Variants in KCNIP4 observed in about 807,000 individuals in gnomAD.
KCNIP4 encodes potassium voltage-gated channel interacting protein 4, also known as Kv channel-interacting protein 4.
Under a neutral mutation model 34.0 loss-of-function variants are expected in KCNIP4, and 12 were observed. The ratio of observed to expected loss-of-function variants is 0.35; its 90% CI spans 0.23 to 0.57. KCNIP4 has a LOEUF of 0.57. Ranked by LOEUF, KCNIP4 falls within the 20% of genes least tolerant of loss-of-function variation. The pLI, the probability that KCNIP4 is intolerant of heterozygous loss-of-function variation, is 0.83. For missense variants in KCNIP4, 238 were observed against 311.7 expected (o/e 0.76, Z 1.78); for synonymous variants, 124 against 102.2 (o/e 1.21, Z -1.29).
At chr4:21,724,718 C>A (rs1715069965) in intron 1 of KCNIP4, among the ~76,000 whole-genome samples, 1 of 152,006 alleles carries the variant, frequency 6.6e-6, no homozygotes, top group African/African-American at 2.4e-5. Flanking sequence ...ATGCACTTTA[C>A]ACATAACTTT....
intron 1 of KCNIP4, among the ~76,000 whole-genome samples, chr4:21,401,698 T>C (rs1723575321): frequency 6.6e-6 from 1 of 152,158 alleles, no homozygotes; most frequent in African/African-American, 2.4e-5. Flanking sequence ...TAAAATCAGG[T>C]TATCAGTGAA....
At chr4:21,727,429 T>C (rs1715276097) in intron 1 of KCNIP4, among the ~76,000 whole-genome samples, 1 of 152,174 alleles carries the variant, frequency 6.6e-6, no homozygotes, top group South Asian at 2.1e-4. Flanking sequence ...GGTCTTGGAC[T>C]TGCCAGCCTC....
At chr4:21,604,749 T>A (rs1441646587) in intron 1 of KCNIP4, among the ~76,000 whole-genome samples, 1 of 152,230 alleles carries the variant, frequency 6.6e-6, no homozygotes, top group African/African-American at 2.4e-5. Context: ...TGAGATTTGA[T>A]ATCCTTTTTT....
At chr4:21,782,534 AT>A (rs528090739) in intron 1 of KCNIP4, among the ~76,000 whole-genome samples, 2 of 151,878 alleles carry the variant, frequency 1.3e-5, no homozygotes, top group African/African-American at 2.4e-5. Context: ...TTTCTACAAA[AT>A]TTTTTTTAAA....
intron 1 of KCNIP4, among the ~76,000 whole-genome samples, chr4:21,239,091 CTTTG>C (rs1759596906): frequency 6.6e-6 from 1 of 151,294 alleles, no homozygotes; most frequent in Non-Finnish European, 1.5e-5. Flanking sequence ...ACTATCTGAT[CTTTG>C]ACAAACCTGA....
chr4:21,766,142 C>G (rs1718402694), intron 1 of KCNIP4, among the ~76,000 whole-genome samples: 1 of 152,116 alleles, frequency 6.6e-6, no homozygotes, highest in South Asian at 2.1e-4. Flanking sequence ...AGATGTCTTC[C>G]TGCTAACGGA....
At chr4:20,791,101 G>A (rs1712693414) in intron 3 of KCNIP4, among the ~76,000 whole-genome samples, 1 of 152,088 alleles carries the variant, frequency 6.6e-6, no homozygotes, top group African/African-American at 2.4e-5. Flanking sequence ...AAACTATAAA[G>A]ATGACAGTAG....
chr4:21,906,085 G>T (rs1400030924), intron 1 of KCNIP4, among the ~76,000 whole-genome samples: 1 of 152,178 alleles, frequency 6.6e-6, no homozygotes, highest in Non-Finnish European at 1.5e-5. Context: ...ATTCATCTAT[G>T]AGTGTTTCAG....
intron 1 of KCNIP4, among the ~76,000 whole-genome samples, chr4:21,350,034 A>C (rs1262695594): frequency 6.6e-6 from 1 of 152,134 alleles, no homozygotes; most frequent in East Asian, 1.9e-4. Flanking sequence ...CTTTCTCTCA[A>C]TAACATGTAC....
intron 1 of KCNIP4, among the ~76,000 whole-genome samples, chr4:21,895,550 C>T (rs894017981): frequency 1.3e-5 from 2 of 152,094 alleles, no homozygotes; most frequent in Non-Finnish European, 2.9e-5. Flanking sequence ...GTAGGATCAC[C>T]ACAAGAATTA....
At chr4:21,937,277 G>A (rs755134551) in intron 1 of KCNIP4, among the ~76,000 whole-genome samples, 2 of 151,790 alleles carry the variant, frequency 1.3e-5, no homozygotes, top group Non-Finnish European at 2.9e-5. Flanking sequence ...CTGTTCCTCC[G>A]CCTATATTCC....
At chr4:21,284,315 T>C (rs1020302970) in intron 1 of KCNIP4, among the ~76,000 whole-genome samples, 10 of 152,194 alleles carry the variant, frequency 6.6e-5, no homozygotes, top group African/African-American at 1.7e-4. Context: ...CAAAGAATGA[T>C]AATAATAGCA....
chr4:21,875,640 C>G (rs1386201261), intron 1 of KCNIP4, among the ~76,000 whole-genome samples: 1 of 152,098 alleles, frequency 6.6e-6, no homozygotes, highest in Non-Finnish European at 1.5e-5. Flanking sequence ...AAATCAATGC[C>G]TGTGTTCAGC....
intron 1 of KCNIP4, among the ~76,000 whole-genome samples, chr4:21,806,183 T>C (rs1282064331): frequency 6.6e-6 from 1 of 152,220 alleles, no homozygotes; most frequent in Non-Finnish European, 1.5e-5. Flanking sequence ...TTCAGGTCAA[T>C]GTTTTTTAAG....
rs1395358930 is a variant in KCNIP4, at chr4:21,704,953, T to C, written c.61+243618A>G. Among the ~76,000 whole-genome samples, 7 of 152,304 alleles carry C rather than the reference T, an allele frequency of 4.6e-5. No homozygotes were observed. In the East Asian group the frequency reaches 1.3e-3, roughly 29 times the overall value. On this transcript the variant is annotated intron_variant, in intron 1 of 8. Transcript: ENST00000382152. ...ATTTTGACTTGTCATAGTCTTAACC[T>C]AGAAACAACCTAGATGCCTTTTAAT...
At chr4:21,504,357 A>T (rs1350783800) in intron 1 of KCNIP4, among the ~76,000 whole-genome samples, 1 of 151,766 alleles carries the variant, frequency 6.6e-6, no homozygotes, top group Admixed American at 6.6e-5. Flanking sequence ...AATCCCAGCT[A>T]CTGGGGGAGC....
At chr4:21,845,255 T>C (rs1723940155) in intron 1 of KCNIP4, 1 of 152,048 alleles carries the variant, frequency 6.6e-6, no homozygotes, top group South Asian at 2.1e-4. Context: ...CCACAATTAC[T>C]CAACTCTGCT....
chr4:21,108,933 G>T (rs971865019), intron 1 of KCNIP4, among the ~76,000 whole-genome samples: 2 of 152,198 alleles, frequency 1.3e-5, no homozygotes, highest in Non-Finnish European at 2.9e-5. Flanking sequence ...AACCACGAAT[G>T]CTGCTGTCTG....
At chr4:20,943,131 T>TA (rs1731818419) in intron 1 of KCNIP4, among the ~76,000 whole-genome samples, 2 of 151,950 alleles carry the variant, frequency 1.3e-5, no homozygotes, top group African/African-American at 4.8e-5. Flanking sequence ...TGCATTTTTT[T>TA]ATTCAACCTA....
Sources: allele counts gnomAD v4.1 joint callset (sites outside exome capture counted in the v4.1 genomes callset), GRCh38; gene constraint gnomAD v4.1.1; transcripts MANE v1.5; gene names NCBI Gene and HGNC (gene_info 2026-07-23, HGNC 2026-07-21).